Variants in ST6GAL1 observed in about 807,000 individuals in gnomAD.
The protein encoded by ST6GAL1 is beta-galactoside alpha-2,6-sialyltransferase 1.
Under a neutral mutation model 38.0 loss-of-function variants are expected in ST6GAL1, and 20 were observed. The observed-to-expected ratio is 0.53, with a 90% confidence interval of 0.37 to 0.77. ST6GAL1 has a LOEUF of 0.77. Among genes scored for constraint, ST6GAL1 ranks in the 30% least tolerant of loss-of-function variants. ST6GAL1 has a pLI of 0.00. For missense variants in ST6GAL1, 432 were observed against 496.4 expected (o/e 0.87, Z 1.23); for synonymous variants, 196 against 188.2 (o/e 1.04, Z -0.34).
rs1314188249 is a variant in ST6GAL1, at chr3:187,072,938, T to C, written c.795T>C (p.Asp265=). The C allele has an allele frequency of 6.2e-7, 1 of 1,613,070 alleles. No individual in the cohort carries two copies. Among genetic ancestry groups the C allele is most frequent in the African/African-American group, 1.3e-5 (1 of 74,918 alleles). ...GGGACCCATCTGTATACCACTCAGA[T>C]ATCCCAAAGGTAAGTGGGTGTCCGT... is the stretch of plus-strand genomic sequence containing the variant. ...IVWDPSVYHS[D]IPKWYQNPDY... is the part of the protein sequence containing the mutation. The change falls in exon 6 of 8, where the codon GAT becomes GAC. Residue 265 remains aspartate, a synonymous_variant. Coordinates refer to ENST00000169298, the MANE Select transcript of ST6GAL1 (RefSeq NM_173216.2).
intron 2 of ST6GAL1, among the ~76,000 whole-genome samples, chr3:186,976,650 A>C (rs1024664353): frequency 2.0e-5 from 3 of 152,138 alleles, no homozygotes; most frequent in African/African-American, 7.2e-5. Context: ...GGCTGGCCTC[A>C]AACTCCTGAC....
chr3:187,062,945 G>A (rs1273958370), intron 5 of ST6GAL1, among the ~76,000 whole-genome samples: 3 of 152,138 alleles, frequency 2.0e-5, no homozygotes, highest in Non-Finnish European at 4.4e-5. Flanking sequence ...TGTTTGCCAA[G>A]GGCTAGGAGG....
chr3:186,953,293 C>T (rs950389341), intron 1 of ST6GAL1, among the ~76,000 whole-genome samples: 1 of 152,172 alleles, frequency 6.6e-6, no homozygotes, highest in African/African-American at 2.4e-5. Flanking sequence ...ACTTCATCTC[C>T]TGCTCTTTTC....
At chr3:186,946,010 A>AAGG (rs1714351442) in intron 1 of ST6GAL1, among the ~76,000 whole-genome samples, 1 of 132,768 alleles carries the variant, frequency 7.5e-6, no homozygotes, top group Non-Finnish European at 1.6e-5. Context: ...AAAAAAAAAG[A>AAGG]AGGGTACCTT....
chr3:186,974,258 C>A (rs1384786983), intron 2 of ST6GAL1, among the ~76,000 whole-genome samples: 1 of 152,170 alleles, frequency 6.6e-6, no homozygotes, highest in Non-Finnish European at 1.5e-5. Context: ...CTAGACCGTT[C>A]CTTGAGATTA....
intron 5 of ST6GAL1, among the ~76,000 whole-genome samples, chr3:187,059,655 T>C (rs1002635754): frequency 6.6e-6 from 1 of 152,174 alleles, no homozygotes; most frequent in Admixed American, 6.5e-5. Flanking sequence ...ATAATTCCCT[T>C]ACAGGGTTGT....
At chr3:187,061,389 A>G (rs765742155) in intron 5 of ST6GAL1, among the ~76,000 whole-genome samples, 7 of 152,204 alleles carry the variant, frequency 4.6e-5, no homozygotes, top group Non-Finnish European at 7.4e-5. Context: ...CCTAAAATTT[A>G]TATGAAACCT....
chr3:187,023,607 CTA>C (rs533815140), intron 2 of ST6GAL1, among the ~76,000 whole-genome samples: 1 of 152,222 alleles, frequency 6.6e-6, no homozygotes, highest in East Asian at 1.9e-4. Context: ...AAGCTGGAAA[CTA>C]TCATTCTCAG....
chr3:187,017,095 T>A (rs1717140857), intron 2 of ST6GAL1, among the ~76,000 whole-genome samples: 1 of 152,186 alleles, frequency 6.6e-6, no homozygotes, highest in Non-Finnish European at 1.5e-5. Flanking sequence ...ATTTCCTCAG[T>A]AACTCTGAGC....
chr3:186,944,717 A>C (rs570923892), intron 1 of ST6GAL1, among the ~76,000 whole-genome samples: 1 of 152,380 alleles, frequency 6.6e-6, no homozygotes, highest in South Asian at 2.1e-4. Context: ...CTATGCTGAG[A>C]AAAAAGATAA....
chr3:186,995,168 A>T (rs2108548413), intron 2 of ST6GAL1, among the ~76,000 whole-genome samples: 1 of 152,228 alleles, frequency 6.6e-6, no homozygotes, highest in South Asian at 2.1e-4. Flanking sequence ...TATTCAAATT[A>T]GGATCCAGAT....
intron 1 of ST6GAL1, among the ~76,000 whole-genome samples, chr3:186,963,389 A>C (rs148676180): frequency 1.3e-5 from 2 of 152,308 alleles, no homozygotes; most frequent in Admixed American, 1.3e-4. Flanking sequence ...CATTTGTAAC[A>C]GCATAAACAA....
chr3:186,976,684 C>G (rs1266595843), intron 2 of ST6GAL1, among the ~76,000 whole-genome samples: 1 of 152,196 alleles, frequency 6.6e-6, no homozygotes, highest in Admixed American at 6.5e-5. Flanking sequence ...CCTAGTTTGG[C>G]TTCCCAAAGT....
chr3:187,049,352 C>A (rs780918399), intron 4 of ST6GAL1, among the ~76,000 whole-genome samples: 2 of 152,192 alleles, frequency 1.3e-5, no homozygotes, highest in African/African-American at 4.8e-5. Context: ...CAAGCTGTAT[C>A]TTTCTCTTGA....
At chr3:187,012,484 G>A (rs1716987798) in intron 2 of ST6GAL1, among the ~76,000 whole-genome samples, 1 of 152,146 alleles carries the variant, frequency 6.6e-6, no homozygotes, top group African/African-American at 2.4e-5. Flanking sequence ...TTGAACTCCT[G>A]ACCTTGTGAT....
At position 187,075,135 on chromosome 3, in the gene ST6GAL1, C is replaced by T. The variant is rs1719517831; in HGVS notation, c.980-427C>T. ...AGGAAAAATCTGCTCCCAAATAGCA[C>T]CATCCAAGAGGTTCTGCAGGATGTC... On this transcript the variant is annotated intron_variant, in intron 7 of 7. Coordinates refer to ENST00000169298, the MANE Select transcript of ST6GAL1 (RefSeq NM_173216.2). This position sits in a 1 kb window ranked among gnomAD's most constrained non-coding sequence, Gnocchi z 4.1. Among the ~76,000 whole-genome samples the T allele has an allele frequency of 6.6e-6, 1 of 152,192 alleles. No homozygotes were observed. The highest frequency in any genetic ancestry group is 1.9e-4 in the East Asian group (1 of 5,196).
At chr3:187,005,460 A>G (rs1022636172) in intron 2 of ST6GAL1, among the ~76,000 whole-genome samples, 2 of 151,648 alleles carry the variant, frequency 1.3e-5, no homozygotes, top group African/African-American at 2.4e-5. Context: ...ATTTTTTAGT[A>G]GAGATGGGGT....
chr3:187,068,471 T>C (rs1719249747), intron 5 of ST6GAL1, among the ~76,000 whole-genome samples: 1 of 152,178 alleles, frequency 6.6e-6, no homozygotes, highest in African/African-American at 2.4e-5. Flanking sequence ...TCTTTAATCA[T>C]AAAATGAACA....
At chr3:187,063,611 C>A (rs1383714700) in intron 5 of ST6GAL1, among the ~76,000 whole-genome samples, 1 of 152,172 alleles carries the variant, frequency 6.6e-6, no homozygotes, top group East Asian at 1.9e-4. Context: ...AGGGGAGGAG[C>A]CCTCCCTGAG....
Sources: gnomAD v4.1 joint callset for allele counts (sites outside exome capture counted in the v4.1 genomes callset) on GRCh38, gnomAD v4.1.1 for gene constraint, Gnocchi (gnomAD v3.1) non-coding constraint, MANE v1.5 for transcripts, NCBI Gene and HGNC (gene_info 2026-07-23, HGNC 2026-07-21) for gene names.